NEK1: variants seen among roughly 807,000 people sequenced by gnomAD.
NEK1 encodes the protein serine/threonine-protein kinase Nek1.
In NEK1, 137 loss-of-function variants were observed where a neutral mutation model predicts 182.1. That is an observed-to-expected ratio of 0.75 (90% CI 0.65 to 0.87). NEK1 has a LOEUF of 0.87. Ranked by LOEUF, NEK1 falls within the 40% of genes least tolerant of loss-of-function variation. The pLI is 0.00. For synonymous variants in NEK1, 513 were observed against 492.2 expected, an observed-to-expected ratio of 1.04 and a Z score of -0.56; for missense variants, 1,391 against 1,494.4, an observed-to-expected ratio of 0.93 and a Z score of 1.14.
At position 169,450,898 on chromosome 4, in the gene NEK1, G is replaced by A. The variant is rs374250762; in HGVS notation, c.2587+12345C>T. 4.2e-4 allele frequency among the ~76,000 whole-genome samples: 64 copies of A among 152,256 alleles called. No homozygotes were observed. The South Asian group carries it at 0.013, about 31-fold the overall frequency. ...GCTGTATTTAGGAGACCCATCTCAC[G>A]TGCAAAGATGCACATAGGCTCAAAA... On this transcript the variant is annotated intron_variant, in intron 27 of 35. Transcript: ENST00000507142.
intron 27 of NEK1, among the ~76,000 whole-genome samples, chr4:169,438,755 C>T (rs1407848435): frequency 6.6e-6 from 1 of 152,188 alleles, no homozygotes; most frequent in African/African-American, 2.4e-5. Context: ...TTCCAGGTTA[C>T]AAGCTCCCCA....
In NEK1 at chr4:169,508,264, T is replaced by C. The variant is rs976919065; in HGVS notation, c.1817A>G (p.Lys606Arg). Residue 606 changes from lysine to arginine, a missense_variant, in exon 21 of 36, where the codon AAA (lysine) becomes AGA (arginine). Lys to Arg is a conservative substitution (Grantham distance 26, BLOSUM62 2). Transcript: ENST00000507142. The stretch of plus-strand genomic sequence containing the variant: ...TCAACCTACCTTTTCACCACGAAGT[T>C]TGGCTTTAATCTGTTGGCGCTCATT... ...NFNERQQIKA[K>R]LRGEKKEANH... is the part of the protein sequence containing the mutation. 9 of 1,591,008 alleles carry C rather than the reference T, an allele frequency of 5.7e-6. No individual in the cohort carries two copies. The highest frequency in any genetic ancestry group is 7.7e-6 in the Non-Finnish European group (9 of 1,170,198).
Position 169,394,477 on chromosome 4 carries a change from C to T in NEK1, c.*33G>A, listed in dbSNP as rs1354022482. 2 of 1,306,116 alleles carry T rather than the reference C, an allele frequency of 1.5e-6. No individual in the cohort carries two copies. Among genetic ancestry groups the T allele is most frequent in the East Asian group, 2.4e-5 (1 of 40,962 alleles). The allele number at this position is 1,306,116 out of a possible 1,614,324, so 80.9% of individuals were successfully genotyped here. A position where few individuals can be genotyped will look rare whatever the true frequency, so the allele number is the denominator to read the frequency against. On this transcript the variant is annotated 3_prime_UTR_variant, in exon 36 of 36. Coordinates refer to ENST00000507142, the MANE Select transcript of NEK1 (RefSeq NM_001199397.3). ...CTGATAAGCCAAATTCAAATGCTTT[C>T]ATATAGTTGAGGATTAAAAAACATT...
intron 11 of NEK1, among the ~76,000 whole-genome samples, chr4:169,580,527 T>C (rs1282108447): frequency 6.6e-6 from 1 of 150,414 alleles, no homozygotes; most frequent in Non-Finnish European, 1.5e-5. Flanking sequence ...GATAATATTT[T>C]ATATAAAGAT....
At chr4:169,579,864 G>T (rs1766323640) in intron 11 of NEK1, among the ~76,000 whole-genome samples, 1 of 151,388 alleles carries the variant, frequency 6.6e-6, no homozygotes, top group African/African-American at 2.4e-5. Context: ...TAGCTAAATG[G>T]GCTCATTTTT....
chr4:169,445,865 T>TATATATATATATATATATATAC (rs569539235), intron 27 of NEK1, among the ~76,000 whole-genome samples: 1 of 143,220 alleles, frequency 7.0e-6, no homozygotes, highest in Admixed American at 6.9e-5. Flanking sequence ...TATATATATA[T>TATATATATATATATATATATAC]ACACACACAC....
chr4:169,413,709 C>T (rs895620385), intron 31 of NEK1, among the ~76,000 whole-genome samples: 2 of 152,138 alleles, frequency 1.3e-5, no homozygotes, highest in African/African-American at 2.4e-5. Flanking sequence ...TTTCCTCATC[C>T]GTAAAATGGA....
At chr4:169,592,532 A>G (rs1768695816) in intron 5 of NEK1, among the ~76,000 whole-genome samples, 1 of 152,170 alleles carries the variant, frequency 6.6e-6, no homozygotes, top group Admixed American at 6.5e-5. Context: ...GTGTGTGTGC[A>G]CTGAGGAAGG....
intron 24 of NEK1, among the ~76,000 whole-genome samples, chr4:169,478,982 G>T (rs559093864): frequency 5.8e-4 from 88 of 152,242 alleles, no homozygotes; most frequent in Middle Eastern, 3.4e-3. Flanking sequence ...TCTAACATTT[G>T]CCATGTCACA....
At chr4:169,557,300 C>A (rs11728394) in intron 16 of NEK1, among the ~76,000 whole-genome samples, 13,508 of 151,576 alleles carry the variant, frequency 0.089, 795 homozygotes, top group African/African-American at 0.16. Flanking sequence ...ACTCAACCAC[C>A]GAGACATAAG....
intron 27 of NEK1, among the ~76,000 whole-genome samples, chr4:169,450,033 C>G (rs1289713213): frequency 6.6e-6 from 1 of 152,150 alleles, no homozygotes; most frequent in African/African-American, 2.4e-5. Context: ...GTGACACATG[C>G]ATGAGCTTAA....
intron 27 of NEK1, among the ~76,000 whole-genome samples, chr4:169,451,330 T>C (rs1180971875): frequency 6.6e-6 from 1 of 152,280 alleles, no homozygotes; most frequent in East Asian, 1.9e-4. Flanking sequence ...CAACAGAATA[T>C]ACATTCTTCT....
chr4:169,403,527 A>G (rs1732048001), intron 32 of NEK1, among the ~76,000 whole-genome samples: 1 of 152,194 alleles, frequency 6.6e-6, no homozygotes. Flanking sequence ...CTATGATTGC[A>G]GCACTGTACT....
rs139713307 is a variant in NEK1, at chr4:169,396,263, G to A, written c.3848-1740C>T. On this transcript the variant is annotated intron_variant, in intron 35 of 35. Transcript: ENST00000507142. Reference sequence around the variant, plus strand: ...TGCCTGTAATGCCAGCTACTTGGGAGGGTGAGACAGGAGAATTGCTTGAAC... The same window carrying A: ...TGCCTGTAATGCCAGCTACTTGGGAAGGTGAGACAGGAGAATTGCTTGAAC... Among the ~76,000 whole-genome samples, 1,240 of 148,508 alleles carry A rather than the reference G, an allele frequency of 8.3e-3. 13 individuals carry two copies. Among genetic ancestry groups the A allele is most frequent in the African/African-American group, 0.029 (1,170 of 40,614 alleles).
At chr4:169,611,830 T>C (rs188703412) in intron 2 of NEK1, among the ~76,000 whole-genome samples, 190 bp downstream of exon 2, 103 of 152,364 alleles carry the variant, frequency 6.8e-4, no homozygotes, top group African/African-American at 2.4e-3. Context: ...AAAAATACCG[T>C]AATGTCCAAG....
At chr4:169,549,403 G>A (rs1422955355) in intron 18 of NEK1, among the ~76,000 whole-genome samples, 2 of 152,072 alleles carry the variant, frequency 1.3e-5, no homozygotes, top group South Asian at 2.1e-4. Flanking sequence ...GTTCCTATTC[G>A]GCCATCTTGC....
intron 11 of NEK1, among the ~76,000 whole-genome samples, chr4:169,579,263 C>T (rs960163920): frequency 2.6e-5 from 4 of 152,150 alleles, no homozygotes; most frequent in African/African-American, 9.7e-5. Context: ...AATGCTCTTA[C>T]GACAAATTAC....
At chr4:169,543,969 C>T (rs1759915054) in intron 18 of NEK1, among the ~76,000 whole-genome samples, 1 of 152,152 alleles carries the variant, frequency 6.6e-6, no homozygotes, top group African/African-American at 2.4e-5. Context: ...TTGGAATACC[C>T]TTTATTTCTA....
At chr4:169,494,965 A>G (rs1750887353) in intron 23 of NEK1, among the ~76,000 whole-genome samples, 1 of 151,870 alleles carries the variant, frequency 6.6e-6, no homozygotes, top group Admixed American at 6.6e-5. Context: ...TGTAAATTTG[A>G]GTTCATTGTA....
Sources: gnomAD v4.1 joint callset for allele counts (sites outside exome capture counted in the v4.1 genomes callset) on GRCh38, gnomAD v4.1.1 for gene constraint, MANE v1.5 for transcripts, NCBI Gene and HGNC (gene_info 2026-07-23, HGNC 2026-07-21) for gene names.